Variants in GLRA2 observed in about 807,000 individuals in gnomAD.
GLRA2 encodes the protein glycine receptor alpha 2.
Under a neutral mutation model 31.6 loss-of-function variants are expected in GLRA2, and 11 were observed. The observed-to-expected ratio is 0.35, with a 90% CI of 0.22 to 0.58. The LOEUF is 0.58. GLRA2 is among the 20% of genes least tolerant of loss of function. The pLI, the probability that GLRA2 is intolerant of heterozygous loss-of-function variation, is 0.84. For missense variants in GLRA2, 212 were observed against 351.8 expected (o/e 0.60, Z 3.18); for synonymous variants, 132 against 134.0 (o/e 0.99, Z 0.10).
chrX:14,702,262 T>C (rs973195342), intron 8 of GLRA2, among the ~76,000 whole-genome samples: 1 of 111,733 alleles, frequency 8.9e-6, no homozygotes, highest in East Asian at 2.8e-4. Context: ...TTATAAATGA[T>C]AGAATGCTAC....
intron 4 of GLRA2, among the ~76,000 whole-genome samples, chrX:14,585,043 TG>T (rs2090065098): frequency 9.0e-6 from 1 of 111,510 alleles, no homozygotes; most frequent in Non-Finnish European, 1.9e-5. Context: ...TTACAGGCCC[TG>T]AAATGCCCTG....
At chrX:14,603,318 G>A (rs2090298962) in intron 4 of GLRA2, among the ~76,000 whole-genome samples, 1 of 111,260 alleles carries the variant, frequency 9.0e-6, no homozygotes, top group Non-Finnish European at 1.9e-5. Flanking sequence ...TGTAGATTCT[G>A]GACATTAGTC....
the GLRA2 span, among the ~76,000 whole-genome samples, chrX:14,480,935 G>A: frequency 9.5e-6 from 1 of 105,189 alleles, no homozygotes; most frequent in Non-Finnish European, 2.0e-5. Context: ...TAGTTTGATA[G>A]TAATGTCTTC....
the GLRA2 span, among the ~76,000 whole-genome samples, chrX:14,517,181 A>T: frequency 8.9e-6 from 1 of 112,355 alleles, no homozygotes; most frequent in Non-Finnish European, 1.9e-5. Context: ...CTCTTTGAAC[A>T]AGAGCACCTA....
At chrX:14,453,791 A>G in the GLRA2 span, among the ~76,000 whole-genome samples, 3 of 111,837 alleles carry the variant, frequency 2.7e-5, no homozygotes, top group African/African-American at 9.8e-5. Context: ...AGCAACACAG[A>G]TGTCCTTCAA....
chrX:14,553,051 A>G (rs1320592339), intron 2 of GLRA2, among the ~76,000 whole-genome samples: 4 of 111,924 alleles, frequency 3.6e-5, no homozygotes, highest in African/African-American at 1.3e-4. Flanking sequence ...ATGATGAATG[A>G]GAGGAGGCCG....
intron 8 of GLRA2, among the ~76,000 whole-genome samples, chrX:14,718,110 T>C (rs1016160971): frequency 9.0e-6 from 1 of 111,124 alleles, no homozygotes; most frequent in Non-Finnish European, 1.9e-5. Flanking sequence ...TCTTCAGGGA[T>C]ATGATTGATT....
chrX:14,564,746 GAAGTT>G (rs750594818), intron 2 of GLRA2, among the ~76,000 whole-genome samples: 4 of 111,806 alleles, frequency 3.6e-5, no homozygotes, highest in Non-Finnish European at 5.7e-5. Flanking sequence ...GTATGTTATT[GAAGTT>G]AAGTTGGTAT....
At chrX:14,544,656 A>G (rs2089454094) in intron 2 of GLRA2, among the ~76,000 whole-genome samples, 1 of 111,829 alleles carries the variant, frequency 8.9e-6, no homozygotes, top group Admixed American at 9.5e-5. Context: ...TTTAAAAATG[A>G]TAATGTTTCA....
At chrX:14,474,892 C>T in the GLRA2 span, among the ~76,000 whole-genome samples, 1 of 112,024 alleles carries the variant, frequency 8.9e-6, no homozygotes, top group Admixed American at 9.5e-5. Flanking sequence ...GTCCTACTGG[C>T]CAAATCAAAT....
intron 7 of GLRA2, among the ~76,000 whole-genome samples, chrX:14,637,766 T>C (rs781200004): frequency 1.3e-4 from 15 of 111,963 alleles, no homozygotes; most frequent in Non-Finnish European, 2.4e-4. Context: ...AAAATCTGAA[T>C]AACTCTGAGT....
chrX:14,560,677 C>T (rs1222538686), intron 2 of GLRA2, among the ~76,000 whole-genome samples: 2 of 106,853 alleles, frequency 1.9e-5, no homozygotes, highest in Admixed American at 2.0e-4. Context: ...ATTAGCTGGG[C>T]GTGGTGGTGC....
the GLRA2 span, among the ~76,000 whole-genome samples, chrX:14,485,043 T>C: frequency 8.9e-6 from 1 of 112,565 alleles, no homozygotes; most frequent in African/African-American, 3.2e-5. Flanking sequence ...CACATGGTTA[T>C]AGATACTTTT....
At chrX:14,587,094 A>G (rs1274771930) in intron 4 of GLRA2, among the ~76,000 whole-genome samples, 1 of 111,795 alleles carries the variant, frequency 8.9e-6, no homozygotes, top group Non-Finnish European at 1.9e-5. Flanking sequence ...CAAAGACACA[A>G]ACACACACAA....
At chrX:14,597,567 G>A (rs1301242838) in intron 4 of GLRA2, among the ~76,000 whole-genome samples, 1 of 110,986 alleles carries the variant, frequency 9.0e-6, no homozygotes, top group African/African-American at 3.3e-5. Context: ...GGCTGGAGGA[G>A]TTTTTAAAAC....
At chrX:14,679,723 A>T (rs1434249034) in intron 7 of GLRA2, among the ~76,000 whole-genome samples, 1 of 111,866 alleles carries the variant, frequency 8.9e-6, no homozygotes, top group African/African-American at 3.3e-5. Flanking sequence ...TCAAGCCTAA[A>T]ACAAGTGCTA....
chrX:14,458,765 G>A, the GLRA2 span, among the ~76,000 whole-genome samples: 11 of 111,602 alleles, frequency 9.9e-5, no homozygotes, highest in Middle Eastern at 4.6e-3. Flanking sequence ...GTAGATTCTG[G>A]ATATTAGCCC....
chrX:14,616,871 GC>G (rs1273840630), intron 7 of GLRA2, among the ~76,000 whole-genome samples: 1 of 111,917 alleles, frequency 8.9e-6, no homozygotes, highest in Non-Finnish European at 1.9e-5. Flanking sequence ...AGGCCTGCTT[GC>G]TTTAGCCAGA....
At chrX:14,534,702 G>A (rs1007840141) in intron 2 of GLRA2, among the ~76,000 whole-genome samples, 1 of 109,229 alleles carries the variant, frequency 9.2e-6, no homozygotes, top group Non-Finnish European at 1.9e-5. Flanking sequence ...CCAGGATAAG[G>A]AAATTAGAAC....
Sources: gnomAD v4.1 joint callset for allele counts (sites outside exome capture counted in the v4.1 genomes callset) on GRCh38, gnomAD v4.1.1 for gene constraint, MANE v1.5 for transcripts, NCBI Gene and HGNC (gene_info 2026-07-23, HGNC 2026-07-21) for gene names.